Variants in TRPM3 observed in about 807,000 individuals in gnomAD.
TRPM3 encodes the protein transient receptor potential cation channel subfamily M member 3, also known as long transient receptor potential channel 3.
TRPM3 carries 77 observed loss-of-function variants against 181.2 expected under a neutral mutation model. The ratio of observed to expected loss-of-function variants is 0.42; its 90% confidence interval spans 0.35 to 0.51. The LOEUF (loss-of-function observed/expected upper bound fraction) is 0.51, where lower values mean the gene tolerates loss of function less well. TRPM3 is among the 20% of genes least tolerant of loss of function. TRPM3 has a pLI of 0.01. For synonymous variants in TRPM3, 745 were observed against 796.4 expected (o/e 0.94, Z 1.09); for missense variants, 1,759 against 2,196.7 (o/e 0.80, Z 3.98).
In TRPM3 at chr9:70,536,565, G is replaced by A. The variant is rs2041810131; in HGVS notation, c.4548C>T (p.Tyr1516=). 1 of 1,614,024 alleles carries A rather than the reference G, an allele frequency of 6.2e-7. No individual in the cohort carries two copies. Among genetic ancestry groups the A allele is most frequent in the Non-Finnish European group, 8.5e-7 (1 of 1,180,026 alleles). ...HTIERSKSSR[Y]LATTPFLLEE... ...CTAGAAGAAAGGGTGTGGTGGCTAG[G>A]TAGCGGCTACTTTTGGAACGCTCAA... The change falls in exon 26 of 26, where the codon TAC becomes TAT. Residue 1516 remains tyrosine, a synonymous_variant. Coordinates refer to ENST00000677713, the MANE Select transcript of TRPM3 (RefSeq NM_001366145.2).
At chr9:70,937,100 T>C (rs2096835813) in intron 1 of TRPM3, among the ~76,000 whole-genome samples, 3 of 152,204 alleles carry the variant, frequency 2.0e-5, no homozygotes, top group Admixed American at 1.3e-4. Context: ...TGTTTTGTTA[T>C]GCATTTTGAC....
At chr9:70,864,325 G>C in intron 2 of TRPM3, 107 bp downstream of exon 2, 1 of 706,780 alleles carries the variant, frequency 1.4e-6, no homozygotes, top group East Asian at 3.0e-5. Flanking sequence ...CAATATAAAA[G>C]ATATTTAATT....
At chr9:70,960,415 G>T (rs1020130251) in intron 1 of TRPM3, among the ~76,000 whole-genome samples, 28 of 152,096 alleles carry the variant, frequency 1.8e-4, no homozygotes, top group African/African-American at 6.8e-4. Context: ...ATATTTAATT[G>T]CTCATCACAG....
At chr9:70,654,918 T>C (rs2060088822) in intron 9 of TRPM3, among the ~76,000 whole-genome samples, 1 of 151,066 alleles carries the variant, frequency 6.6e-6, no homozygotes, top group Non-Finnish European at 1.5e-5. Flanking sequence ...CTCCTGACCT[T>C]GTGATCTGCC....
At chr9:71,378,577 A>C (rs2132853478) in intron 1 of TRPM3, among the ~76,000 whole-genome samples, 1 of 152,082 alleles carries the variant, frequency 6.6e-6, no homozygotes, top group South Asian at 2.1e-4. Flanking sequence ...CACCACACCA[A>C]GTTCTGAGGA....
chr9:71,292,721 G>A (rs1271729724), intron 1 of TRPM3, among the ~76,000 whole-genome samples: 1 of 151,754 alleles, frequency 6.6e-6, no homozygotes, highest in Non-Finnish European at 1.5e-5. Flanking sequence ...AACCTTCAAG[G>A]AATCAATAAC....
chr9:70,600,922 A>G (rs957961760), intron 20 of TRPM3, among the ~76,000 whole-genome samples: 1 of 152,166 alleles, frequency 6.6e-6, no homozygotes, highest in Non-Finnish European at 1.5e-5. Flanking sequence ...ATTAAAAAAG[A>G]GATGAGAGCA....
At chr9:71,260,856 T>A (rs2083003439) in intron 1 of TRPM3, among the ~76,000 whole-genome samples, 2 of 152,208 alleles carry the variant, frequency 1.3e-5, no homozygotes, top group South Asian at 4.1e-4. Flanking sequence ...CCTTTTCCTA[T>A]TTGAATACCT....
intron 8 of TRPM3, among the ~76,000 whole-genome samples, chr9:70,753,668 C>T (rs972512819): frequency 6.6e-6 from 1 of 152,102 alleles, no homozygotes; most frequent in African/African-American, 2.4e-5. Flanking sequence ...TGATCTCAGG[C>T]TCGTGAACAG....
chr9:70,541,075 G>A (rs531051956), intron 25 of TRPM3, among the ~76,000 whole-genome samples: 2 of 152,122 alleles, frequency 1.3e-5, no homozygotes, highest in Non-Finnish European at 2.9e-5. Flanking sequence ...CAGTAAACTG[G>A]ACACATAAAG....
chr9:70,815,399 AC>A (rs1197937147), intron 6 of TRPM3, among the ~76,000 whole-genome samples: 2 of 152,212 alleles, frequency 1.3e-5, no homozygotes, highest in Non-Finnish European at 2.9e-5. Context: ...GCTAAAGGGT[AC>A]ATATATTTCA....
chr9:70,782,361 G>A (rs533398690), intron 7 of TRPM3, among the ~76,000 whole-genome samples: 27 of 152,032 alleles, frequency 1.8e-4, no homozygotes, highest in Non-Finnish European at 3.5e-4. Context: ...ACAGGCACAT[G>A]CCACCACACC....
At chr9:71,192,378 T>A (rs1000148452) in intron 1 of TRPM3, among the ~76,000 whole-genome samples, 3 of 151,830 alleles carry the variant, frequency 2.0e-5, no homozygotes, top group Non-Finnish European at 2.9e-5. Context: ...ACTAATAAAT[T>A]AGTAAAAAAA....
intron 1 of TRPM3, among the ~76,000 whole-genome samples, chr9:70,877,567 T>C (rs4549847): frequency 0.031 from 4,766 of 152,032 alleles, 122 homozygotes; most frequent in Middle Eastern, 0.058. Flanking sequence ...AAGATTCCTG[T>C]TTGGGACATG....
intron 1 of TRPM3, among the ~76,000 whole-genome samples, chr9:70,996,752 G>A (rs2097544696): frequency 6.6e-6 from 1 of 152,020 alleles, no homozygotes; most frequent in Non-Finnish European, 1.5e-5. Flanking sequence ...TTTTCTGTCT[G>A]CTTAAATTAT....
chr9:70,835,921 T>C (rs1200650046), intron 5 of TRPM3, among the ~76,000 whole-genome samples: 3 of 152,062 alleles, frequency 2.0e-5, no homozygotes, highest in African/African-American at 4.8e-5. Context: ...TTATAGAACA[T>C]TGGGAAGATG....
intron 7 of TRPM3, chr9:70,776,358 GC>G: frequency 1.5e-6 from 1 of 661,278 alleles, no homozygotes; most frequent in Non-Finnish European, 2.7e-6. Context: ...TCCAATGCTG[GC>G]CCCTGGAACC....
chr9:70,540,867 C>CAT (rs1467481594), intron 25 of TRPM3, among the ~76,000 whole-genome samples: 3 of 152,168 alleles, frequency 2.0e-5, no homozygotes, highest in Admixed American at 2.0e-4. Flanking sequence ...GAACCACAGG[C>CAT]ATGCACCACA....
intron 1 of TRPM3, among the ~76,000 whole-genome samples, chr9:71,070,494 T>A (rs1232365547): frequency 6.6e-6 from 1 of 152,242 alleles, no homozygotes; most frequent in African/African-American, 2.4e-5. Context: ...TGGGCCAGAT[T>A]TCTTATCAGA....
Sources: gnomAD v4.1 joint callset for allele counts (sites outside exome capture counted in the v4.1 genomes callset) on GRCh38, gnomAD v4.1.1 for gene constraint, MANE v1.5 for transcripts, NCBI Gene and HGNC (gene_info 2026-07-23, HGNC 2026-07-21) for gene names.